FANCA: variants seen among roughly 807,000 people sequenced by gnomAD.
The protein encoded by FANCA is Fanconi anemia group A protein.
A neutral mutation model predicts 194.3 loss-of-function variants in FANCA; 236 were observed. The ratio of observed to expected loss-of-function variants is 1.21; its 90% CI spans 1.09 to 1.35. FANCA has a LOEUF of 1.35. Among genes scored for constraint, FANCA ranks in the 40% most tolerant of loss-of-function variants. The pLI is 0.00. For missense variants in FANCA, 2,628 were observed against 1,813.9 expected, an observed-to-expected ratio of 1.45 and a Z score of -8.15; for synonymous variants, 1,014 against 715.8, an observed-to-expected ratio of 1.42 and a Z score of -6.65.
In FANCA at chr16:89,785,899, G is replaced by A. The variant is rs556618242; in HGVS notation, c.1360-935C>T. On this transcript the variant is annotated intron_variant, in intron 14 of 42. Transcript: ENST00000389301. The stretch of plus-strand genomic sequence containing the variant: ...AGACAGAGTCTTGCTCTGTCACCCA[G>A]GCTGGAGTGCAGTGGTGCCATCTTG... 1.7e-3 allele frequency among the ~76,000 whole-genome samples: 234 copies of A among 134,428 alleles called. 2 individuals carry two copies. The highest frequency in any genetic ancestry group is 6.6e-3 in the African/African-American group (226 of 34,040). The allele number at this position is 134,428 out of a possible 152,430, so 88.2% of individuals were successfully genotyped here.
intron 10 of FANCA, among the ~76,000 whole-genome samples, chr16:89,796,897 A>T (rs2040266144): frequency 6.6e-6 from 1 of 152,028 alleles, no homozygotes; most frequent in African/African-American, 2.4e-5. Flanking sequence ...ATTGGCTCAC[A>T]CCTGTAATCC....
At chr16:89,807,618 T>C (rs1345113928) in intron 6 of FANCA, among the ~76,000 whole-genome samples, 3 of 151,890 alleles carry the variant, frequency 2.0e-5, no homozygotes, top group Non-Finnish European at 4.4e-5. Context: ...GGCACAGTGG[T>C]TCATGCCTGT....
At chr16:89,791,220 C>G in intron 14 of FANCA, 183 bp downstream of exon 14, 2 of 769,462 alleles carry the variant, frequency 2.6e-6, no homozygotes, top group Non-Finnish European at 4.3e-6. Flanking sequence ...CCGCTGAGGC[C>G]CCGACAGGGA....
intron 20 of FANCA, among the ~76,000 whole-genome samples, chr16:89,776,154 TTTTTC>T (rs2039496244): frequency 2.3e-5 from 3 of 132,322 alleles, no homozygotes; most frequent in South Asian, 5.6e-4. Context: ...CGAATCTTTG[TTTTTC>T]TTTTTTTTTT....
intron 27 of FANCA, among the ~76,000 whole-genome samples, chr16:89,766,525 C>T (rs1432421156): frequency 6.6e-6 from 1 of 151,746 alleles, no homozygotes; most frequent in East Asian, 2.0e-4. Flanking sequence ...GCCTGGCCAA[C>T]ATGGTGAAAC....
chr16:89,746,460 C>T (rs557820478), intron 35 of FANCA, 124 bp downstream of exon 35: 408 of 796,120 alleles, frequency 5.1e-4, no homozygotes, highest in Non-Finnish European at 5.5e-4. Flanking sequence ...TTCCATGTCT[C>T]CTGATGCATT....
At chr16:89,756,525 T>C (rs1309028900) in intron 30 of FANCA, among the ~76,000 whole-genome samples, 3 of 152,148 alleles carry the variant, frequency 2.0e-5, no homozygotes, top group Non-Finnish European at 4.4e-5. Context: ...CTTGAGGGGC[T>C]GAAGCAGGAG....
rs34420680 is a variant in FANCA at position 89,742,763 on chromosome 16, C to T, written c.3765+37G>A. 123,740 of 1,607,346 alleles carry T rather than the reference C, an allele frequency of 0.077. 5,710 individuals carry two copies. Among genetic ancestry groups the T allele is most frequent in the East Asian group, 0.16 (7,338 of 44,478 alleles). On this transcript the variant is annotated intron_variant, in intron 37 of 42. Transcript: ENST00000389301. ...ATAGCACTGATTGAAACCAAGCTTG[C>T]GAGAAAATAAATCAGTAAAAGAATT...
rs367880372 is a variant in FANCA at position 89,771,757 on chromosome 16, T to A, written c.2072A>T (p.Asn691Ile). The change falls in exon 23 of 43, where the codon AAT (asparagine) becomes ATT (isoleucine). Residue 691 changes from asparagine (N) to isoleucine (I), a missense_variant. Coordinates refer to ENST00000389301, the MANE Select transcript of FANCA (RefSeq NM_000135.4). Reference protein sequence around the residue: ...SERLRAVLGHNEDDSSVEISK... With the variant: ...SERLRAVLGHIEDDSSVEISK... ...TATCTCAACGCTGCTGTCATCCTCA[T>A]TGTGGCCCAGGACAGCCCTCAGTCT... 6.2e-7 allele frequency: 1 copy of A among 1,613,998 alleles called. No homozygotes were observed. Among genetic ancestry groups the A allele is most frequent in the Non-Finnish European group, 8.5e-7 (1 of 1,180,036 alleles).
In FANCA at chr16:89,752,232, A is replaced by G. The variant is rs2038620584; in HGVS notation, c.2982-10T>C. The G allele has an allele frequency of 6.2e-7, 1 of 1,609,214 alleles. No homozygotes were observed. The highest frequency in any genetic ancestry group is 1.3e-5 in the African/African-American group (1 of 74,936). On this transcript the variant is annotated splice_polypyrimidine_tract_variant and intron_variant, in intron 30 of 42. Transcript: ENST00000389301. ...GTCATAACTCCTTGAGCTGAAATGA[A>G]AATACAATAAAATCCTCCTCAGTAT...
Position 89,784,964 on chromosome 16 carries a change from C to T in FANCA, c.1360G>A (p.Ala454Thr), listed in dbSNP as rs150863702. 4 of 1,611,424 alleles carry T rather than the reference C, an allele frequency of 2.5e-6. No homozygotes were observed. Among genetic ancestry groups the T allele is most frequent in the Admixed American group, 3.3e-5 (2 of 59,882 alleles). The change falls in exon 15 of 43, where the codon GCC (alanine) becomes ACC (threonine). Residue 454 changes from alanine (A) to threonine (T), a missense_variant and splice_region_variant. Physicochemically the swap from Ala to Thr is moderately conservative, Grantham distance 58. Coordinates refer to ENST00000389301, the MANE Select transcript of FANCA (RefSeq NM_000135.4). Reference protein sequence around the residue: ...AFLSYADWFKASFGSTRGYHG... With the variant: ...AFLSYADWFKTSFGSTRGYHG... The stretch of plus-strand genomic sequence containing the variant: ...TAGCCTCGTGTGCTCCCAAAGGAGG[C>T]CTGTGTGGAGAGAAGAGCGTGAAGC...
In FANCA at chr16:89,779,263, C is replaced by G. The variant is rs148014255; in HGVS notation, c.1716-260G>C. Among the ~76,000 whole-genome samples, 237 of 152,272 alleles carry G rather than the reference C, an allele frequency of 1.6e-3. 1 individual carries two copies. Among genetic ancestry groups the G allele is most frequent in the African/African-American group, 5.0e-3 (209 of 41,556 alleles). On this transcript the variant is annotated intron_variant, in intron 18 of 42. Transcript: ENST00000389301. The stretch of plus-strand genomic sequence containing the variant: ...ACGTGGAGCCTGGATCAATCTGAGG[C>G]CACGAGGACCATGTAAGGTCCATTT...
rs533873583 is a variant in FANCA, at chr16:89,816,045, C to T, written c.80-59G>A. ...CACAATTCACACACGGGGTCCCCGG[C>T]CCGACGCGCAGGTGGACGCCGCGGA... On this transcript the variant is annotated intron_variant, in intron 1 of 42. Coordinates refer to ENST00000389301, the MANE Select transcript of FANCA (RefSeq NM_000135.4). 12 of 1,340,680 alleles carry T rather than the reference C, an allele frequency of 9.0e-6. No homozygotes were observed. In the African/African-American group the frequency reaches 1.0e-4, roughly 11 times the overall value. 83.0% of individuals were successfully genotyped at this position (1,340,680 alleles called of 1,614,324 possible).
intron 21 of FANCA, among the ~76,000 whole-genome samples, chr16:89,775,333 TC>T (rs2039463874): frequency 6.6e-6 from 1 of 152,150 alleles, no homozygotes; most frequent in African/African-American, 2.4e-5. Context: ...TGACTTCTAC[TC>T]CTACCTGCAC....
At chr16:89,797,857 T>C (rs2040300831) in intron 10 of FANCA, among the ~76,000 whole-genome samples, 1 of 152,088 alleles carries the variant, frequency 6.6e-6, no homozygotes, top group Non-Finnish European at 1.5e-5. Context: ...ATCTCACCAC[T>C]GCACTCCAGC....
Position 89,749,737 on chromosome 16 carries a change from A to C in FANCA, c.3232T>G (p.Tyr1078Asp). Residue 1078 changes from tyrosine to aspartate, a missense_variant, in exon 32 of 43, where the codon TAC becomes GAC. Coordinates refer to ENST00000389301, the MANE Select transcript of FANCA (RefSeq NM_000135.4). ...SLQRQRELLM[Y>D]KRILLRLPSS... is the part of the protein sequence containing the mutation. ...GGTGGTAGTAGGTGTTACCGTTTGT[A>C]CATTAGCAGCTCCCTCTGTCTCTGA... 1 of 1,613,810 alleles carries C rather than the reference A, an allele frequency of 6.2e-7. No individual in the cohort carries two copies. The highest frequency in any genetic ancestry group is 8.5e-7 in the Non-Finnish European group (1 of 1,179,846).
At chr16:89,776,916 C>A (rs2039525728) in intron 20 of FANCA, among the ~76,000 whole-genome samples, 3 of 151,952 alleles carry the variant, frequency 2.0e-5, no homozygotes, top group South Asian at 4.2e-4. Flanking sequence ...ACTTTCTTAA[C>A]ATGATAAAGG....
At chr16:89,779,380 G>C (rs1401199209) in intron 18 of FANCA, among the ~76,000 whole-genome samples, 1 of 152,058 alleles carries the variant, frequency 6.6e-6, no homozygotes, top group African/African-American at 2.4e-5. Context: ...GATGTTTTGA[G>C]ATCATACCAA....
At chr16:89,804,535 C>CT (rs1276186595) in intron 7 of FANCA, among the ~76,000 whole-genome samples, 29 of 152,216 alleles carry the variant, frequency 1.9e-4, no homozygotes, top group Admixed American at 1.2e-3. Context: ...ACAAGCCCAA[C>CT]TACTCCTCAA....
Sources: gnomAD v4.1 joint callset for allele counts (sites outside exome capture counted in the v4.1 genomes callset) on GRCh38, gnomAD v4.1.1 for gene constraint, MANE v1.5 for transcripts, NCBI Gene and HGNC (gene_info 2026-07-23, HGNC 2026-07-21) for gene names.